Variants in TNR observed in about 807,000 individuals in gnomAD.
The protein encoded by TNR is tenascin-R.
A neutral mutation model predicts 150.4 loss-of-function variants in TNR; 45 were observed. The observed-to-expected ratio is 0.30, with a 90% confidence interval of 0.24 to 0.38. The LOEUF is 0.38. TNR is among the 10% of genes least tolerant of loss of function. TNR has a pLI of 1.00. For missense variants in TNR, 1,544 were observed against 1,759.1 expected, an observed-to-expected ratio of 0.88 and a Z score of 2.19; for synonymous variants, 687 against 678.4, an observed-to-expected ratio of 1.01 and a Z score of -0.20.
intron 2 of TNR, among the ~76,000 whole-genome samples, chr1:175,505,242 G>A (rs1325438786): frequency 1.3e-5 from 2 of 152,202 alleles, no homozygotes; most frequent in Admixed American, 6.5e-5. Context: ...GCGGCTCTGC[G>A]CCACAGTACG....
chr1:175,333,636 C>G (rs1650061427), intron 20 of TNR, among the ~76,000 whole-genome samples: 1 of 152,186 alleles, frequency 6.6e-6, no homozygotes. Flanking sequence ...CTCTCAGGCA[C>G]TGTCATAGGT....
intron 1 of TNR, among the ~76,000 whole-genome samples, chr1:175,634,514 C>T (rs377061217): frequency 3.3e-5 from 5 of 152,072 alleles, no homozygotes; most frequent in Admixed American, 6.5e-5. Context: ...AACCCAAGTG[C>T]GTGTGAAGAA....
intron 1 of TNR, among the ~76,000 whole-genome samples, chr1:175,672,457 A>T (rs1341132154): frequency 6.6e-6 from 1 of 152,160 alleles, no homozygotes; most frequent in African/African-American, 2.4e-5. Context: ...TAATGTAGTG[A>T]GTAGAAGGTG....
intron 2 of TNR, among the ~76,000 whole-genome samples, chr1:175,467,851 C>A (rs978087924): frequency 6.6e-6 from 1 of 152,112 alleles, no homozygotes; most frequent in Non-Finnish European, 1.5e-5. Flanking sequence ...AGAAATTACT[C>A]GTTAATATAT....
chr1:175,608,695 GA>G (rs1342704444), intron 1 of TNR, among the ~76,000 whole-genome samples: 1 of 152,102 alleles, frequency 6.6e-6, no homozygotes, highest in Non-Finnish European at 1.5e-5. Flanking sequence ...ACACTTAACA[GA>G]AAAAAATGGG....
chr1:175,730,013 C>A (rs969402138), intron 1 of TNR, among the ~76,000 whole-genome samples: 2 of 152,216 alleles, frequency 1.3e-5, no homozygotes, highest in Non-Finnish European at 1.5e-5. Context: ...CTTAAGATCT[C>A]ATGCCTAAGG....
At chr1:175,379,147 C>G (rs192797842) in intron 9 of TNR, among the ~76,000 whole-genome samples, 18 of 147,916 alleles carry the variant, frequency 1.2e-4, no homozygotes, top group Middle Eastern at 3.6e-3. Flanking sequence ...CCACTGCACT[C>G]CAGCCTGGGC....
chr1:175,525,078 G>A (rs1229393777), intron 2 of TNR, among the ~76,000 whole-genome samples: 1 of 152,140 alleles, frequency 6.6e-6, no homozygotes, highest in Non-Finnish European at 1.5e-5. Context: ...GAATCATGTG[G>A]GCGGTTACCT....
At chr1:175,350,790 T>G (rs1219440166) in intron 18 of TNR, among the ~76,000 whole-genome samples, 2 of 152,228 alleles carry the variant, frequency 1.3e-5, no homozygotes, top group African/African-American at 4.8e-5. Context: ...TTCCAGGCCA[T>G]CAGGTAGGCA....
At chr1:175,641,496 C>T (rs191874594) in intron 1 of TNR, among the ~76,000 whole-genome samples, 1 of 152,264 alleles carries the variant, frequency 6.6e-6, no homozygotes, top group East Asian at 1.9e-4. Context: ...TACTCAATGG[C>T]ATCTTCTATT....
In TNR at chr1:175,376,331, G is replaced by A. The variant is rs116680773; in HGVS notation, c.1963+3221C>T. Reference sequence around the variant, plus strand: ...TTGTCAGAAGCACTACCTTAAACTCGTTAAATGTATTGCCTCATGAATGCC... The same window carrying A: ...TTGTCAGAAGCACTACCTTAAACTCATTAAATGTATTGCCTCATGAATGCC... On this transcript the variant is annotated intron_variant, in intron 9 of 22. Transcript: ENST00000367674. Among the ~76,000 whole-genome samples, 683 of 152,304 alleles carry A rather than the reference G, an allele frequency of 4.5e-3. 4 individuals are homozygous for A. Among genetic ancestry groups the A allele is most frequent in the African/African-American group, 0.016 (660 of 41,560 alleles).
chr1:175,396,115 T>G (rs560039535), intron 5 of TNR, among the ~76,000 whole-genome samples: 5 of 152,350 alleles, frequency 3.3e-5, no homozygotes, highest in Admixed American at 3.3e-4. Context: ...AATAAGATTT[T>G]TTTCTCACTT....
At chr1:175,357,166 C>G (rs964045866) in intron 15 of TNR, among the ~76,000 whole-genome samples, 1 of 152,078 alleles carries the variant, frequency 6.6e-6, no homozygotes, top group Non-Finnish European at 1.5e-5. Context: ...CATTTTGCCT[C>G]ATTGATTGAG....
At chr1:175,657,301 A>G (rs921937672) in intron 1 of TNR, among the ~76,000 whole-genome samples, 2 of 152,214 alleles carry the variant, frequency 1.3e-5, no homozygotes, top group African/African-American at 2.4e-5. Flanking sequence ...GAGAAATAGG[A>G]ACACTTTTAC....
intron 2 of TNR, among the ~76,000 whole-genome samples, chr1:175,410,758 A>G (rs912553543): frequency 1.3e-5 from 2 of 152,196 alleles, no homozygotes; most frequent in Non-Finnish European, 2.9e-5. Context: ...AGAGTTCAAG[A>G]TGGTGGCTGC....
intron 1 of TNR, among the ~76,000 whole-genome samples, chr1:175,680,657 G>C (rs1666006639): frequency 6.6e-6 from 1 of 152,082 alleles, no homozygotes. Flanking sequence ...GGGTCAGAAA[G>C]CATGCTAAGG....
intron 1 of TNR, among the ~76,000 whole-genome samples, chr1:175,630,104 G>A (rs937147239): frequency 2.0e-5 from 3 of 152,150 alleles, no homozygotes; most frequent in Non-Finnish European, 4.4e-5. Context: ...TGAAGTGCAG[G>A]CCCAAGTCTA....
chr1:175,665,737 A>T (rs1224736774), intron 1 of TNR, among the ~76,000 whole-genome samples: 1 of 152,246 alleles, frequency 6.6e-6, no homozygotes, highest in Non-Finnish European at 1.5e-5. Flanking sequence ...TACTGGAGAT[A>T]AAAGGGTAGA....
chr1:175,406,930 C>T (rs1322664914), intron 2 of TNR, among the ~76,000 whole-genome samples, 153 bp from the exon 3 acceptor site: 1 of 152,168 alleles, frequency 6.6e-6, no homozygotes. Flanking sequence ...TCATAAAGGC[C>T]CAGGACTTTG....
Sources: allele counts gnomAD v4.1 joint callset (sites outside exome capture counted in the v4.1 genomes callset), GRCh38; gene constraint gnomAD v4.1.1; transcripts MANE v1.5; gene names NCBI Gene and HGNC (gene_info 2026-07-23, HGNC 2026-07-21).